Variants in OXNAD1 observed in about 807,000 individuals in gnomAD.
OXNAD1 encodes the protein oxidoreductase NAD binding domain containing 1.
OXNAD1 carries 34 observed loss-of-function variants against 32.9 expected under a neutral mutation model. That is an observed-to-expected ratio of 1.03 (90% confidence interval 0.79 to 1.38). The LOEUF (loss-of-function observed/expected upper bound fraction) is 1.38. Among genes scored for constraint, OXNAD1 ranks in the 40% most tolerant of loss-of-function variants. The pLI is 0.00. For synonymous variants in OXNAD1, 134 were observed against 135.2 expected (o/e 0.99, Z 0.06); for missense variants, 407 against 379.4 (o/e 1.07, Z -0.60).
intron 9 of OXNAD1, among the ~76,000 whole-genome samples, chr3:16,313,237 C>G (rs547544249): frequency 1.1e-5 from 1 of 89,516 alleles, no homozygotes; most frequent in Non-Finnish European, 2.2e-5. Context: ...GAGGCAAGTT[C>G]TTGCTATGTT....
chr3:16,267,333 A>G (rs916361874), intron 1 of OXNAD1, among the ~76,000 whole-genome samples: 2 of 152,210 alleles, frequency 1.3e-5, no homozygotes, highest in Non-Finnish European at 2.9e-5. Flanking sequence ...GTCCTTTAAA[A>G]ATATAAATTA....
At chr3:16,310,939 G>A (rs964346279), downstream of OXNAD1, among the ~76,000 whole-genome samples, 1 of 129,318 alleles carries the variant, frequency 7.7e-6, no homozygotes, top group Non-Finnish European at 1.6e-5. Context: ...GTGGTGAGCC[G>A]AAATTGTGCC....
chr3:16,274,178 A>C (rs564468237), intron 4 of OXNAD1, among the ~76,000 whole-genome samples: 243 of 151,504 alleles, frequency 1.6e-3, no homozygotes, highest in Non-Finnish European at 2.6e-3. Context: ...AAAAAAAAAA[A>C]AAAAAACAAA....
chr3:16,295,326 T>C (rs968483732), intron 6 of OXNAD1, among the ~76,000 whole-genome samples: 1 of 152,234 alleles, frequency 6.6e-6, no homozygotes, highest in Non-Finnish European at 1.5e-5. Context: ...TATTTTGTCC[T>C]AACCATCCTA....
intron 9 of OXNAD1, among the ~76,000 whole-genome samples, chr3:16,325,023 T>C (rs1335343635): frequency 6.6e-6 from 1 of 152,194 alleles, no homozygotes; most frequent in Non-Finnish European, 1.5e-5. Context: ...TATATCTCAC[T>C]GTGGTTTTAA....
chr3:16,271,168 A>G lies in OXNAD1; in HGVS notation c.119+97A>G. 1 of 1,406,538 alleles carries G rather than the reference A, an allele frequency of 7.1e-7. No homozygotes were observed. Among genetic ancestry groups the G allele is most frequent in the Non-Finnish European group, 9.8e-7 (1 of 1,024,440 alleles). The allele number at this position is 1,406,538 out of a possible 1,614,324, so 87.1% of individuals were successfully genotyped here. A position where few individuals can be genotyped will look rare whatever the true frequency, so the allele number is the denominator to read the frequency against. ...AGGCATATCAAACTCCCGGAAAGGT[A>G]ACACCTTAGCTTCAATGTGCATGCT... On this transcript the variant is annotated intron_variant, in intron 3 of 8. Coordinates refer to ENST00000285083, the MANE Select transcript of OXNAD1 (RefSeq NM_138381.5). The surrounding 1 kb of genome is among the most constrained non-coding windows in gnomAD (Gnocchi z 4.6).
chr3:16,315,283 T>G (rs2068267045), intron 9 of OXNAD1, among the ~76,000 whole-genome samples: 1 of 152,108 alleles, frequency 6.6e-6, no homozygotes, highest in South Asian at 2.1e-4. Flanking sequence ...GCCCAGCTAA[T>G]TTTTGTATTT....
chr3:16,345,244 GTAAGA>G lies in OXNAD1; in HGVS notation c.*31-3928_*31-3924del, dbSNP rs1004066311. 1 of 149,242 alleles carries G rather than the reference GTAAGA, an allele frequency of 6.7e-6. No homozygotes were observed. The highest frequency in any genetic ancestry group is 2.5e-5 in the African/African-American group (1 of 39,786). The allele number at this position is 149,242 out of a possible 1,614,324, so 9.2% of individuals were successfully genotyped here. The stretch of plus-strand genomic sequence containing the variant: ...CCTGGATTTCTGGCCCACAGAAACT[GTAAGA>G]TAATAAGTAGGTGGTTGTGTGTGTG... On this transcript the variant is annotated intron_variant, in intron 9 of 9. Coordinates refer to the OXNAD1 transcript ENST00000606098. The surrounding 1 kb of genome is among the most constrained non-coding windows in gnomAD (Gnocchi z 5.2).
rs2067013442 is a variant in OXNAD1, at chr3:16,299,252, A to G, written c.433-2374A>G. ...AGCAAGAGAGGGAGGGAAGGAGGATATAGGAGATGAAATTCATTGTCATCG... is the reference window on the plus strand; with the variant it reads ...AGCAAGAGAGGGAGGGAAGGAGGATGTAGGAGATGAAATTCATTGTCATCG... On this transcript the variant is annotated intron_variant, in intron 6 of 8. Transcript: ENST00000285083. This position sits in a 1 kb window ranked among gnomAD's most constrained non-coding sequence, Gnocchi z 4.4. 6.6e-6 allele frequency among the ~76,000 whole-genome samples: 1 copy of G among 152,210 alleles called. No homozygotes were observed. The highest frequency in any genetic ancestry group is 1.9e-4 in the East Asian group (1 of 5,196).
chr3:16,343,236 A>G (rs1044034720), intron 9 of OXNAD1, among the ~76,000 whole-genome samples: 1 of 152,122 alleles, frequency 6.6e-6, no homozygotes, highest in African/African-American at 2.4e-5. Flanking sequence ...CATCACTCCT[A>G]ATTAGTGGTA....
At chr3:16,300,203 GT>G (rs879630896) in intron 6 of OXNAD1, among the ~76,000 whole-genome samples, 3 of 151,700 alleles carry the variant, frequency 2.0e-5, no homozygotes, top group South Asian at 4.2e-4. Flanking sequence ...GTACCCATAG[GT>G]TTTTTTTTAA....
rs1186161853 is a variant in OXNAD1 at position 16,326,710 on chromosome 3, A to G, written c.*31-10402A>G. On this transcript the variant is annotated intron_variant, in intron 9 of 9. Transcript: ENST00000435829. The stretch of plus-strand genomic sequence containing the variant: ...AATTTATAGACGTGAGGTGCTCATT[A>G]GGAACAGTGACTAGCACAGAGTAAG... 3.2e-6 allele frequency: 4 copies of G among 1,262,946 alleles called. No individual in the cohort carries two copies. The Admixed American group carries it at 5.3e-5, about 17-fold the overall frequency. 78.2% of individuals were successfully genotyped at this position (1,262,946 alleles called of 1,614,324 possible).
At chr3:16,270,492 T>G (rs2064847076) in intron 2 of OXNAD1, among the ~76,000 whole-genome samples, 1 of 152,232 alleles carries the variant, frequency 6.6e-6, no homozygotes, top group African/African-American at 2.4e-5. Flanking sequence ...TTTTGGTTTT[T>G]TAATATCTGG....
At position 16,327,233 on chromosome 3, in the gene OXNAD1, G is replaced by A. The variant is rs1011389884; in HGVS notation, c.*31-9879G>A. Among the ~76,000 whole-genome samples the A allele has an allele frequency of 6.6e-6, 1 of 152,138 alleles. No individual in the cohort carries two copies. Among genetic ancestry groups the A allele is most frequent in the Non-Finnish European group, 1.5e-5 (1 of 68,032 alleles). ...CGGTATCCAGGGCATATAACTACACGTGCTGCTCTGAATGAGTTCAGAGCG... is the reference window on the plus strand; with the variant it reads ...CGGTATCCAGGGCATATAACTACACATGCTGCTCTGAATGAGTTCAGAGCG... On this transcript the variant is annotated intron_variant, in intron 9 of 9. Coordinates refer to the OXNAD1 transcript ENST00000435829. The surrounding 1 kb of genome is among the most constrained non-coding windows in gnomAD (Gnocchi z 4.2).
At chr3:16,308,456 T>A, downstream of OXNAD1, among the ~76,000 whole-genome samples, 1 of 152,154 alleles carries the variant, frequency 6.6e-6, no homozygotes, top group Non-Finnish European at 1.5e-5. The surrounding 1 kb of genome is among the most constrained non-coding windows in gnomAD (Gnocchi z 4.4). Flanking sequence ...GCTCCTATTT[T>A]TTTTTTCCTG....
Position 16,303,627 on chromosome 3 carries a change from G to T in OXNAD1, c.*65G>T. ...ACTCAGGAGAGCTCCTGTCCTTTGT[G>T]GCATGATTAATTTTTTTTATCTCTA... On this transcript the variant is annotated 3_prime_UTR_variant, in exon 9 of 9. Coordinates refer to ENST00000285083, the MANE Select transcript of OXNAD1 (RefSeq NM_138381.5). This position sits in a 1 kb window ranked among gnomAD's most constrained non-coding sequence, Gnocchi z 4.8. The T allele has an allele frequency of 1.3e-6, 2 of 1,505,748 alleles. No individual in the cohort carries two copies. The allele number at this position is 1,505,748 out of a possible 1,614,324, so 93.3% of individuals were successfully genotyped here.
chr3:16,309,422 CAGTCTCATACTTA>C, downstream of OXNAD1, among the ~76,000 whole-genome samples: 1 of 152,044 alleles, frequency 6.6e-6, no homozygotes, highest in Admixed American at 6.5e-5. Flanking sequence ...TAGATACCCT[CAGTCTCATACTTA>C]AGTATTTTTT....
chr3:16,273,066 C>T (rs1451038229), intron 4 of OXNAD1, among the ~76,000 whole-genome samples: 1 of 152,056 alleles, frequency 6.6e-6, no homozygotes, highest in African/African-American at 2.4e-5. Context: ...TACCAAACAC[C>T]CAGATTTGGC....
downstream of OXNAD1, among the ~76,000 whole-genome samples, chr3:16,310,432 C>T (rs1023152120): frequency 6.6e-5 from 10 of 152,082 alleles, no homozygotes; most frequent in Non-Finnish European, 1.5e-4. Flanking sequence ...ATCTTTAAGC[C>T]TTTATATTAT....
Sources: allele counts gnomAD v4.1 joint callset (sites outside exome capture counted in the v4.1 genomes callset), GRCh38; gene constraint gnomAD v4.1.1; non-coding constraint Gnocchi (gnomAD v3.1); transcripts MANE v1.5; gene names NCBI Gene and HGNC (gene_info 2026-07-23, HGNC 2026-07-21).